The following CCDC187 variants were observed in gnomAD, a reference collection of about 807,000 sequenced individuals.
CCDC187 encodes the protein coiled-coil domain-containing protein 187.
In CCDC187, 32 loss-of-function variants were observed where a neutral mutation model predicts 38.0. That is an observed-to-expected ratio of 0.84 (90% CI 0.64 to 1.13). The LOEUF (loss-of-function observed/expected upper bound fraction) is 1.13. Among genes scored for constraint, CCDC187 ranks in the 50% most tolerant of loss-of-function variants. The probability of loss-of-function intolerance (pLI) is 0.00; values close to 1 mark genes in which losing one functional copy is unlikely to be tolerated. For missense variants in CCDC187, 707 were observed against 786.8 expected, an observed-to-expected ratio of 0.90 and a Z score of 1.21; for synonymous variants, 333 against 347.9, an observed-to-expected ratio of 0.96 and a Z score of 0.48.
chr9:136,278,110 CTTTG>C (rs1366813118), intron 10 of CCDC187, among the ~76,000 whole-genome samples: 5 of 152,238 alleles, frequency 3.3e-5, no homozygotes, highest in African/African-American at 1.2e-4. Flanking sequence ...TCTTACACTT[CTTTG>C]TTTGGGTTCA....
In CCDC187 at chr9:136,274,724, C is replaced by G. The variant is rs1830897967; in HGVS notation, c.3376G>C (p.Ala1126Pro). The G allele has an allele frequency of 6.6e-6, 1 of 152,366 alleles. No homozygotes were observed. The highest frequency in any genetic ancestry group is 1.5e-5 in the Non-Finnish European group (1 of 68,122). The allele number at this position is 152,366 out of a possible 1,614,324, so 9.4% of individuals were successfully genotyped here. The change falls in exon 14 of 26, where the codon GCT (alanine) becomes CCT (proline). Residue 1126 changes from alanine to proline, a missense_variant. By Grantham distance (27) the Ala-to-Pro change is conservative. Transcript: ENST00000638797. ...PRSHPPLDTD[A>P]ATSSQGPEDR... ...TCGGGACCCTGGGAGGACGTGGCAG[C>G]ATCTGTGTCCAGAGGCGGGTGTGAC...
rs1466461036 is a variant in CCDC187, at chr9:136,258,423, C to T, written c.4366+509G>A. Among the ~76,000 whole-genome samples, 3 of 152,110 alleles carry T rather than the reference C, an allele frequency of 2.0e-5. No individual in the cohort carries two copies. The highest frequency in any genetic ancestry group is 6.5e-5 in the Admixed American group (1 of 15,276). On this transcript the variant is annotated intron_variant, in intron 22 of 25. Transcript: ENST00000638797. The surrounding 1 kb of genome is among the most constrained non-coding windows in gnomAD (Gnocchi z 4.3). ...TGGTCAGGGAGCTCCGAGGTGGCAT[C>T]GCAGGGCACACAACCCCCCACTCTT...
chr9:136,286,618 C>T lies in CCDC187; in HGVS notation c.2300G>A (p.Gly767Asp). 1 of 398,794 alleles carries T rather than the reference C, an allele frequency of 2.5e-6. No homozygotes were observed. The highest frequency in any genetic ancestry group is 4.4e-6 in the Non-Finnish European group (1 of 226,198). 24.7% of individuals were successfully genotyped at this position (398,794 alleles called of 1,614,324 possible). Residue 767 changes from glycine (G) to aspartate (D), a missense_variant, in exon 8 of 26, where the codon GGC becomes GAC. By Grantham distance (94) the Gly-to-Asp change is moderately conservative. Transcript: ENST00000638797. ...DPPGMGGPQD[G>D]RDAPVLLSAS... The stretch of plus-strand genomic sequence containing the variant: ...TGACAGCAGCACGGGGGCATCCCGG[C>T]CATCTTGGGGGCCCCCCATCCCTGG...
chr9:136,252,502 A>T lies in CCDC187; in HGVS notation c.*1092T>A. On this transcript the variant is annotated 3_prime_UTR_variant, in exon 26 of 26. Coordinates refer to ENST00000638797, the MANE Select transcript of CCDC187 (RefSeq NM_001378188.1). ...GGTCCACCCTGGGAAGGTCCAGGCG[A>T]CCATCCTGCACAGCCGGCCGCCCAC... The T allele has an allele frequency of 5.6e-6, 1 of 177,704 alleles. No individual in the cohort carries two copies. The highest frequency in any genetic ancestry group is 6.9e-5 in the South Asian group (1 of 14,548). The allele number at this position is 177,704 out of a possible 1,614,324, so 11.0% of individuals were successfully genotyped here.
At chr9:136,285,412 C>T (rs1016193465) in intron 9 of CCDC187, 101 bp downstream of exon 9, 65 of 408,128 alleles carry the variant, frequency 1.6e-4, no homozygotes, top group Non-Finnish European at 2.3e-4. Context: ...AGAGGCAGCC[C>T]GTGAGCGTGG....
At chr9:136,267,275 A>T in intron 16 of CCDC187, 109 bp downstream of exon 16, 2 of 785,326 alleles carry the variant, frequency 2.5e-6, no homozygotes, top group Non-Finnish European at 3.1e-6. Flanking sequence ...TGTCGGGGCC[A>T]CGGGCGGGAC....
intron 3 of CCDC187, among the ~76,000 whole-genome samples, chr9:136,298,159 A>C (rs1186728010): frequency 6.6e-6 from 1 of 152,172 alleles, no homozygotes; most frequent in African/African-American, 2.4e-5. Context: ...CCAGTTTCTC[A>C]TCTCTGAATC....
At chr9:136,293,331 ACACACT>A (rs1415691785) in intron 4 of CCDC187, among the ~76,000 whole-genome samples, 13 of 147,378 alleles carry the variant, frequency 8.8e-5, no homozygotes, top group South Asian at 4.3e-4. Context: ...TCACATGCTT[ACACACT>A]CACACTCACA....
chr9:136,268,945 C>G (rs79978644), intron 14 of CCDC187, among the ~76,000 whole-genome samples: 2,310 of 152,226 alleles, frequency 0.015, 51 homozygotes, highest in African/African-American at 0.052. Flanking sequence ...GTAGAGGAGA[C>G]AGCAGAGAGT....
At chr9:136,293,646 A>G (rs1330116267) in intron 4 of CCDC187, among the ~76,000 whole-genome samples, 4 of 151,432 alleles carry the variant, frequency 2.6e-5, no homozygotes, top group Non-Finnish European at 4.4e-5. Context: ...GCATGCTCAC[A>G]CTCATGCTCA....
intron 7 of CCDC187, 86 bp downstream of exon 7, chr9:136,289,873 G>T (rs1831272476): frequency 5.1e-6 from 2 of 395,168 alleles, no homozygotes; most frequent in Middle Eastern, 6.3e-4. Context: ...GCAATGTCAC[G>T]AGGGCCCCAG....
chr9:136,270,425 C>T (rs1243218402), intron 14 of CCDC187, among the ~76,000 whole-genome samples: 4 of 152,124 alleles, frequency 2.6e-5, no homozygotes, highest in East Asian at 1.9e-4. Flanking sequence ...TTTAGGTAGC[C>T]GAAGCAGAGA....
chr9:136,301,514 A>G (rs1242715865), intron 2 of CCDC187, among the ~76,000 whole-genome samples: 6 of 151,732 alleles, frequency 4.0e-5, no homozygotes, highest in Non-Finnish European at 7.4e-5. Context: ...AGGACCGTGA[A>G]TGTGCTCAGT....
At position 136,258,999 on chromosome 9, in the gene CCDC187, G is replaced by A. The variant is rs544888017; in HGVS notation, c.4299C>T (p.Ala1433=). 7 of 985,844 alleles carry A rather than the reference G, an allele frequency of 7.1e-6. No homozygotes were observed. The highest frequency in any genetic ancestry group is 7.0e-5 in the African/African-American group (4 of 57,238). 61.1% of individuals were successfully genotyped at this position (985,844 alleles called of 1,614,324 possible). A position where few individuals can be genotyped will look rare whatever the true frequency, so the allele number is the denominator to read the frequency against. ...DGQRLGPAFP[A]EEAEGRLPTA... is the part of the protein sequence containing the mutation. ...TGGGGAGGCGCCCCTCCGCCTCCTC[G>A]GCCTGGGGGGTGAGACGGGAGTGGA... The change falls in exon 22 of 26, where the codon GCC becomes GCT. Residue 1433 remains alanine, a splice_region_variant and synonymous_variant. Coordinates refer to ENST00000638797, the MANE Select transcript of CCDC187 (RefSeq NM_001378188.1). This position sits in a 1 kb window ranked among gnomAD's most constrained non-coding sequence, Gnocchi z 4.3.
intron 3 of CCDC187, among the ~76,000 whole-genome samples, chr9:136,299,764 G>A (rs1357150529): frequency 3.3e-5 from 5 of 152,156 alleles, no homozygotes; most frequent in Middle Eastern, 3.2e-3. Flanking sequence ...CTGGGAGCCC[G>A]CCAACGGTTC....
At chr9:136,300,436 C>T in intron 2 of CCDC187, 118 bp from the exon 3 acceptor site, 1 of 385,854 alleles carries the variant, frequency 2.6e-6, no homozygotes, top group Non-Finnish European at 4.6e-6. Context: ...TTACTTGAGA[C>T]AGGGTCTCAC....
chr9:136,267,997 C>T (rs1830779126), intron 15 of CCDC187, 52 bp downstream of exon 15: 2 of 985,182 alleles, frequency 2.0e-6, no homozygotes. Flanking sequence ...ACTACCAGGG[C>T]CGTGCTGGGT....
intron 7 of CCDC187, among the ~76,000 whole-genome samples, chr9:136,287,186 G>A (rs1831202663): frequency 6.6e-6 from 1 of 152,182 alleles, no homozygotes. Flanking sequence ...GCCCTGAAAT[G>A]GAAGGACATT....
chr9:136,261,000 G>A (rs1554760935), intron 19 of CCDC187, among the ~76,000 whole-genome samples: 1 of 152,184 alleles, frequency 6.6e-6, no homozygotes. Flanking sequence ...TGCTCTTAGA[G>A]CCGCCCCAGA....
Sources: allele counts gnomAD v4.1 joint callset (sites outside exome capture counted in the v4.1 genomes callset), GRCh38; gene constraint gnomAD v4.1.1; non-coding constraint Gnocchi (gnomAD v3.1); transcripts MANE v1.5; gene names NCBI Gene and HGNC (gene_info 2026-07-23, HGNC 2026-07-21).